GRIA1: variants seen among roughly 807,000 people sequenced by gnomAD.
GRIA1 encodes glutamate receptor 1.
GRIA1 carries 31 observed loss-of-function variants against 99.2 expected under a neutral mutation model. The observed-to-expected ratio is 0.31, with a 90% CI of 0.23 to 0.42. The LOEUF (loss-of-function observed/expected upper bound fraction) is 0.42, where lower values mean the gene tolerates loss of function less well. Ranked by LOEUF, GRIA1 falls within the 10% of genes least tolerant of loss-of-function variation. The pLI is 1.00. For missense variants in GRIA1, 782 were observed against 1,157.5 expected (o/e 0.68, Z 4.71); for synonymous variants, 438 against 432.4 (o/e 1.01, Z -0.16).
chr5:153,560,606 A>C (rs1159007868), intron 2 of GRIA1, among the ~76,000 whole-genome samples: 1 of 152,202 alleles, frequency 6.6e-6, no homozygotes, highest in East Asian at 1.9e-4. Context: ...CCACCATGTA[A>C]GAAGTGCCTT....
intron 2 of GRIA1, among the ~76,000 whole-genome samples, chr5:153,547,306 G>A (rs928770228): frequency 1.3e-5 from 2 of 152,100 alleles, no homozygotes; most frequent in African/African-American, 4.8e-5. Context: ...CTGTCTCAAT[G>A]TCTAGGCTTT....
chr5:153,784,461 G>T (rs140738330), intron 13 of GRIA1, among the ~76,000 whole-genome samples: 1 of 152,184 alleles, frequency 6.6e-6, no homozygotes, highest in Non-Finnish European at 1.5e-5. Flanking sequence ...CAAAGCCTCT[G>T]TCTTCTGCTG....
chr5:153,545,752 T>A (rs1759556951), intron 2 of GRIA1, among the ~76,000 whole-genome samples: 1 of 152,214 alleles, frequency 6.6e-6, no homozygotes, highest in African/African-American at 2.4e-5. Context: ...CAGCAACTGA[T>A]TGGTCCCTCT....
intron 11 of GRIA1, among the ~76,000 whole-genome samples, chr5:153,731,727 A>G (rs1327192821): frequency 6.6e-6 from 1 of 152,202 alleles, no homozygotes; most frequent in Admixed American, 6.5e-5. Flanking sequence ...GTCATTTTAC[A>G]TAGTTATCCT....
chr5:153,615,342 C>T (rs779521216), intron 2 of GRIA1, among the ~76,000 whole-genome samples: 1 of 152,188 alleles, frequency 6.6e-6, no homozygotes, highest in Non-Finnish European at 1.5e-5. Flanking sequence ...ATAACCACCA[C>T]AATGAATAAA....
chr5:153,630,566 A>G (rs1282218917), intron 2 of GRIA1, among the ~76,000 whole-genome samples: 1 of 152,184 alleles, frequency 6.6e-6, no homozygotes, highest in Non-Finnish European at 1.5e-5. Context: ...TTTTTGCCCA[A>G]TGCTTTGAAC....
At chr5:153,513,518 A>T (rs1318174082) in intron 2 of GRIA1, among the ~76,000 whole-genome samples, 1 of 152,108 alleles carries the variant, frequency 6.6e-6, no homozygotes, top group Non-Finnish European at 1.5e-5. Flanking sequence ...TGGTCTCTTA[A>T]TTTGTCCTGA....
At chr5:153,641,829 TC>T (rs1427694106) in intron 2 of GRIA1, among the ~76,000 whole-genome samples, 23 of 152,242 alleles carry the variant, frequency 1.5e-4, no homozygotes, top group African/African-American at 5.5e-4. Context: ...GCTGAACTCA[TC>T]CTTAACATAG....
At chr5:153,571,448 A>G (rs1306148539) in intron 2 of GRIA1, among the ~76,000 whole-genome samples, 1 of 152,202 alleles carries the variant, frequency 6.6e-6, no homozygotes, top group Non-Finnish European at 1.5e-5. Context: ...ACATAAATGA[A>G]CATGTTCCAG....
intron 2 of GRIA1, among the ~76,000 whole-genome samples, chr5:153,539,366 A>C (rs1758862311): frequency 6.6e-6 from 1 of 152,226 alleles, no homozygotes; most frequent in South Asian, 2.1e-4. Flanking sequence ...GGAAATGGCA[A>C]GGTATGGAGA....
chr5:153,803,639 C>T, intron 15 of GRIA1, among the ~76,000 whole-genome samples: 1 of 152,172 alleles, frequency 6.6e-6, no homozygotes, highest in East Asian at 1.9e-4. Flanking sequence ...AGTACAGTCC[C>T]TCTGGGCAAT....
At chr5:153,615,143 C>G (rs904260184) in intron 2 of GRIA1, among the ~76,000 whole-genome samples, 5 of 152,116 alleles carry the variant, frequency 3.3e-5, no homozygotes, top group Non-Finnish European at 5.9e-5. Flanking sequence ...TGGAACAGTT[C>G]CTAGCACATA....
chr5:153,782,964 G>A (rs1373947204), intron 13 of GRIA1, among the ~76,000 whole-genome samples: 1 of 152,202 alleles, frequency 6.6e-6, no homozygotes, highest in East Asian at 1.9e-4. Flanking sequence ...CAAGAGATAA[G>A]GGGCTGGAGG....
At chr5:153,702,247 C>T (rs1314677792) in intron 10 of GRIA1, among the ~76,000 whole-genome samples, 1 of 152,256 alleles carries the variant, frequency 6.6e-6, no homozygotes, top group Non-Finnish European at 1.5e-5. Context: ...AGTTTCTGCT[C>T]CTCACATGGT....
chr5:153,684,784 A>T (rs2149495234), intron 7 of GRIA1, among the ~76,000 whole-genome samples: 1 of 152,320 alleles, frequency 6.6e-6, no homozygotes, highest in African/African-American at 2.4e-5. Context: ...TTTCTCTCTG[A>T]AAAGCAAAGA....
chr5:153,722,781 A>T (rs1760172478), intron 11 of GRIA1, among the ~76,000 whole-genome samples: 1 of 152,134 alleles, frequency 6.6e-6, no homozygotes, highest in South Asian at 2.1e-4. Context: ...TGTAGAAGGG[A>T]TTCTCTTCAC....
chr5:153,589,636 T>C (rs1489355224), intron 2 of GRIA1, among the ~76,000 whole-genome samples: 3 of 152,192 alleles, frequency 2.0e-5, no homozygotes, highest in South Asian at 4.1e-4. Context: ...ATAATAAATA[T>C]GTCTTGAAAT....
At chr5:153,505,921 G>A (rs1755443840) in intron 2 of GRIA1, among the ~76,000 whole-genome samples, 1 of 152,188 alleles carries the variant, frequency 6.6e-6, no homozygotes, top group Admixed American at 6.5e-5. Context: ...GGTGACTTCT[G>A]AGCTCAGATA....
At chr5:153,603,562 T>C (rs929502387) in intron 2 of GRIA1, among the ~76,000 whole-genome samples, 4 of 152,106 alleles carry the variant, frequency 2.6e-5, no homozygotes, top group Admixed American at 6.5e-5. Context: ...ATTTATTGAG[T>C]GCCTAAGGTA....
Sources: gnomAD v4.1 joint callset for allele counts (sites outside exome capture counted in the v4.1 genomes callset) on GRCh38, gnomAD v4.1.1 for gene constraint, MANE v1.5 for transcripts, NCBI Gene and HGNC (gene_info 2026-07-23, HGNC 2026-07-21) for gene names.